Variants in TRPM3 observed in about 807,000 individuals in gnomAD.
TRPM3 encodes transient receptor potential cation channel subfamily M member 3.
In TRPM3, 77 loss-of-function variants were observed where a neutral mutation model predicts 181.2. The observed-to-expected ratio is 0.42, with a 90% CI of 0.35 to 0.51. The LOEUF (loss-of-function observed/expected upper bound fraction) is 0.51, where lower values mean the gene tolerates loss of function less well. Among genes scored for constraint, TRPM3 ranks in the 20% least tolerant of loss-of-function variants. The pLI is 0.01. For synonymous variants in TRPM3, 745 were observed against 796.4 expected (o/e 0.94, Z 1.09); for missense variants, 1,759 against 2,196.7 (o/e 0.80, Z 3.98).
intron 1 of TRPM3, among the ~76,000 whole-genome samples, chr9:71,411,404 G>A (rs897404294): frequency 8.5e-5 from 13 of 152,164 alleles, no homozygotes; most frequent in African/African-American, 3.1e-4. Flanking sequence ...CTTCAGCAAA[G>A]TCTCAGGATA....
At chr9:70,921,447 T>C (rs2133281967) in intron 1 of TRPM3, among the ~76,000 whole-genome samples, 1 of 152,338 alleles carries the variant, frequency 6.6e-6, no homozygotes, top group East Asian at 1.9e-4. Context: ...TACAAACTAG[T>C]GCTATTAGCA....
Position 70,534,236 on chromosome 9 carries a change from C to T in TRPM3, c.*1717G>A, listed in dbSNP as rs1347739978. 2.6e-5 allele frequency: 4 copies of T among 151,994 alleles called. No homozygotes were observed. The highest frequency in any genetic ancestry group is 5.9e-5 in the Non-Finnish European group (4 of 68,008). 9.4% of individuals were successfully genotyped at this position (151,994 alleles called of 1,614,324 possible). On this transcript the variant is annotated 3_prime_UTR_variant, in exon 26 of 26. Coordinates refer to ENST00000677713, the MANE Select transcript of TRPM3 (RefSeq NM_001366145.2). ...GTGTAAAAACTTTGTTTAGGAAAAG[C>T]GAGACTAAATGAGATGTCCTGATAG...
chr9:71,110,940 A>G (rs966181000), intron 1 of TRPM3, among the ~76,000 whole-genome samples: 4 of 152,198 alleles, frequency 2.6e-5, no homozygotes. Flanking sequence ...TCACTTATTC[A>G]TTGAAATGAA....
chr9:71,410,286 C>T (rs1446319475), intron 1 of TRPM3, among the ~76,000 whole-genome samples: 1 of 43,524 alleles, frequency 2.3e-5, no homozygotes, highest in Non-Finnish European at 5.0e-5. Context: ...GATAGGGTCA[C>T]AAAAAACACT....
At chr9:71,159,217 T>C (rs2076159613) in intron 1 of TRPM3, among the ~76,000 whole-genome samples, 1 of 151,776 alleles carries the variant, frequency 6.6e-6, no homozygotes, top group South Asian at 2.1e-4. Context: ...TTCTAATCGG[T>C]TCTTTGGAGA....
At chr9:71,054,115 G>A (rs867218715) in intron 1 of TRPM3, among the ~76,000 whole-genome samples, 2 of 152,116 alleles carry the variant, frequency 1.3e-5, no homozygotes, top group Non-Finnish European at 2.9e-5. Flanking sequence ...ATGGAAAACT[G>A]TAGCTGGCAT....
At chr9:71,043,211 C>T (rs571484613) in intron 1 of TRPM3, among the ~76,000 whole-genome samples, 2 of 152,304 alleles carry the variant, frequency 1.3e-5, no homozygotes, top group South Asian at 2.1e-4. Flanking sequence ...TAGCCATCTA[C>T]TTTCCAGAGA....
intron 1 of TRPM3, among the ~76,000 whole-genome samples, chr9:71,035,179 A>G (rs1306572503): frequency 6.6e-6 from 1 of 152,186 alleles, no homozygotes; most frequent in East Asian, 1.9e-4. Flanking sequence ...CATGATTGAC[A>G]ACCATTCAGC....
intron 1 of TRPM3, among the ~76,000 whole-genome samples, chr9:71,363,862 T>C (rs1050098544): frequency 1.3e-5 from 2 of 152,140 alleles, no homozygotes; most frequent in Non-Finnish European, 2.9e-5. Context: ...GAGCCTGGCA[T>C]AGACCCCACT....
At chr9:71,330,252 TG>T in intron 1 of TRPM3, among the ~76,000 whole-genome samples, 1 of 152,046 alleles carries the variant, frequency 6.6e-6, no homozygotes, top group African/African-American at 2.4e-5. Context: ...TGCAGATTTT[TG>T]TTAAGGTTAC....
At chr9:71,084,748 T>C (rs2064991299) in intron 1 of TRPM3, among the ~76,000 whole-genome samples, 1 of 152,040 alleles carries the variant, frequency 6.6e-6, no homozygotes, top group Non-Finnish European at 1.5e-5. Context: ...GTCGATGTCA[T>C]TTTTTGCAGA....
At chr9:70,685,319 C>T (rs1563987315) in intron 8 of TRPM3, among the ~76,000 whole-genome samples, 2 of 152,120 alleles carry the variant, frequency 1.3e-5, no homozygotes, top group Admixed American at 6.6e-5. Flanking sequence ...AATTATATGG[C>T]AATGTTTTCA....
chr9:71,224,299 G>GT (rs1457896861), intron 1 of TRPM3, among the ~76,000 whole-genome samples: 1 of 152,246 alleles, frequency 6.6e-6, no homozygotes, highest in African/African-American at 2.4e-5. Flanking sequence ...CATCAAGACA[G>GT]TATCTCTACA....
Position 70,898,510 on chromosome 9 carries a change from G to A in TRPM3, c.178-33999C>T, listed in dbSNP as rs2096323572. Among the ~76,000 whole-genome samples, 9 of 150,548 alleles carry A rather than the reference G, an allele frequency of 6.0e-5. No individual in the cohort carries two copies. In the South Asian group the frequency reaches 1.9e-3, roughly 31 times the overall value. On this transcript the variant is annotated intron_variant, in intron 1 of 25. Coordinates refer to ENST00000677713, the MANE Select transcript of TRPM3 (RefSeq NM_001366145.2). ...CATGCCTGTAATCCCAGCACTTTGG[G>A]AGGCCAAGGCGGGCGGATCACGAGG...
At chr9:70,577,891 C>G (rs554274561) in intron 22 of TRPM3, among the ~76,000 whole-genome samples, 1 of 152,134 alleles carries the variant, frequency 6.6e-6, no homozygotes, top group African/African-American at 2.4e-5. Flanking sequence ...TCAGGTGGCA[C>G]GAGTGACTTT....
intron 1 of TRPM3, among the ~76,000 whole-genome samples, chr9:71,187,367 A>T (rs2077738242): frequency 6.6e-6 from 1 of 151,968 alleles, no homozygotes; most frequent in Non-Finnish European, 1.5e-5. Flanking sequence ...TTCCAACAAA[A>T]GTCTACCCAC....
chr9:71,344,773 CACT>C (rs1217780881), intron 1 of TRPM3, among the ~76,000 whole-genome samples: 1 of 152,076 alleles, frequency 6.6e-6, no homozygotes, highest in African/African-American at 2.4e-5. Context: ...CATCACATAA[CACT>C]ACTAATAAAA....
At chr9:71,138,646 G>T (rs1322182123) in intron 1 of TRPM3, among the ~76,000 whole-genome samples, 1 of 151,730 alleles carries the variant, frequency 6.6e-6, no homozygotes, top group African/African-American at 2.4e-5. Flanking sequence ...TTTCAATATG[G>T]TTGTTTTAAA....
chr9:70,651,094 A>G (rs939059377), intron 9 of TRPM3, among the ~76,000 whole-genome samples: 1 of 152,196 alleles, frequency 6.6e-6, no homozygotes, highest in Non-Finnish European at 1.5e-5. Flanking sequence ...AGTATAGAAA[A>G]GGTGTGTACA....
Sources: gnomAD v4.1 joint callset for allele counts (sites outside exome capture counted in the v4.1 genomes callset) on GRCh38, gnomAD v4.1.1 for gene constraint, MANE v1.5 for transcripts, NCBI Gene and HGNC (gene_info 2026-07-23, HGNC 2026-07-21) for gene names.